ZFHX3: variants seen among roughly 807,000 people sequenced by gnomAD.
ZFHX3 encodes zinc finger homeobox protein 3.
A neutral mutation model predicts 279.1 loss-of-function variants in ZFHX3; 42 were observed. The observed-to-expected ratio is 0.15, with a 90% CI of 0.12 to 0.19. The LOEUF (loss-of-function observed/expected upper bound fraction) is 0.19, where lower values mean the gene tolerates loss of function less well. ZFHX3 is among the 10% of genes least tolerant of loss of function. The pLI is 1.00. For missense variants in ZFHX3, 4,981 were observed against 4,754.0 expected, an observed-to-expected ratio of 1.05 and a Z score of -1.40; for synonymous variants, 2,293 against 1,957.8, an observed-to-expected ratio of 1.17 and a Z score of -4.52.
At chr16:72,898,447 A>T (rs1018262341) in intron 3 of ZFHX3, among the ~76,000 whole-genome samples, 1 of 152,178 alleles carries the variant, frequency 6.6e-6, no homozygotes, top group Non-Finnish European at 1.5e-5. Context: ...TGCACGAATC[A>T]CATTTCCTGA....
chr16:73,378,500 C>T lies in ZFHX3; in HGVS notation c.-1290-60164G>A, dbSNP rs536404631. 1.4e-4 allele frequency among the ~76,000 whole-genome samples: 21 copies of T among 152,174 alleles called. No homozygotes were observed. The East Asian group carries it at 3.7e-3, about 27-fold the overall frequency. On this transcript the variant is annotated intron_variant, in intron 3 of 17. Transcript: ENST00000641206. ...TAAGTAACTCTTGTGTACCTGGTTT[C>T]GCTGTTCTAAGAAATTCTAAAGGTT...
intron 1 of ZFHX3, among the ~76,000 whole-genome samples, chr16:73,759,941 G>T (rs1182029307): frequency 6.8e-6 from 1 of 147,184 alleles, no homozygotes; most frequent in Non-Finnish European, 1.5e-5. Flanking sequence ...AAATAACCAA[G>T]ATCAGAGGGG....
At chr16:72,994,084 C>T (rs1242876541) in intron 1 of ZFHX3, among the ~76,000 whole-genome samples, 2 of 152,172 alleles carry the variant, frequency 1.3e-5, no homozygotes, top group Non-Finnish European at 2.9e-5. Context: ...TTCTTCTGTT[C>T]CCTATCACTT....
intron 2 of ZFHX3, among the ~76,000 whole-genome samples, chr16:73,667,275 C>A (rs1451661394): frequency 6.6e-6 from 1 of 152,186 alleles, no homozygotes; most frequent in Non-Finnish European, 1.5e-5. Context: ...CAGGCGTGAG[C>A]CACCACACCC....
At chr16:73,144,466 C>T (rs1451807626) in intron 5 of ZFHX3, 1 of 152,200 alleles carries the variant, frequency 6.6e-6, no homozygotes, top group African/African-American at 2.4e-5. Context: ...CCCCAGCTCC[C>T]GAAGGGTTAA....
At chr16:73,147,344 C>A in intron 5 of ZFHX3, among the ~76,000 whole-genome samples, 1 of 152,120 alleles carries the variant, frequency 6.6e-6, no homozygotes, top group East Asian at 1.9e-4. Flanking sequence ...AAACCACAGC[C>A]TGAAGCCCGA....
At chr16:73,137,104 T>C (rs962780003) in intron 6 of ZFHX3, among the ~76,000 whole-genome samples, 3 of 152,162 alleles carry the variant, frequency 2.0e-5, no homozygotes, top group African/African-American at 7.2e-5. Context: ...TCACTAGACT[T>C]TGATATTTCA....
chr16:73,184,586 G>C (rs58347765), intron 5 of ZFHX3, among the ~76,000 whole-genome samples: 5,776 of 152,182 alleles, frequency 0.038, 368 homozygotes, highest in African/African-American at 0.13. Context: ...TCAAAATCTC[G>C]ACTCTTCCTG....
intron 2 of ZFHX3, among the ~76,000 whole-genome samples, chr16:72,952,863 G>T (rs1163650886): frequency 6.6e-6 from 1 of 152,108 alleles, no homozygotes; most frequent in Non-Finnish European, 1.5e-5. Flanking sequence ...GCAGAAGGCT[G>T]GGCACTGGCG....
intron 1 of ZFHX3, among the ~76,000 whole-genome samples, chr16:73,719,578 T>C (rs1045482455): frequency 1.7e-4 from 26 of 152,218 alleles, no homozygotes; most frequent in Non-Finnish European, 3.7e-4. Flanking sequence ...CTCGCTGAAA[T>C]CTTGTATGAG....
intron 3 of ZFHX3, among the ~76,000 whole-genome samples, chr16:73,358,514 T>G (rs1003736419): frequency 1.4e-4 from 21 of 152,338 alleles, no homozygotes; most frequent in Non-Finnish European, 2.2e-4. Flanking sequence ...ATGGCGGCCC[T>G]GGCTGACACC....
intron 3 of ZFHX3, chr16:73,421,131 G>C (rs2017710244): frequency 2.0e-5 from 3 of 149,036 alleles, no homozygotes; most frequent in African/African-American, 2.5e-5. Context: ...TGTTTCAGAA[G>C]ATGATTGTTC....
chr16:73,761,964 A>T (rs2053872611), intron 1 of ZFHX3, among the ~76,000 whole-genome samples: 1 of 152,200 alleles, frequency 6.6e-6, no homozygotes, highest in Admixed American at 6.5e-5. Flanking sequence ...AATTGCAACA[A>T]AAACCAAACT....
chr16:72,906,119 C>T (rs878874098), intron 3 of ZFHX3, among the ~76,000 whole-genome samples: 2 of 152,072 alleles, frequency 1.3e-5, no homozygotes, highest in South Asian at 2.1e-4. Context: ...AGATCCCTCC[C>T]GGGACATCCA....
chr16:73,621,268 C>T (rs2052359184), intron 2 of ZFHX3, among the ~76,000 whole-genome samples: 1 of 152,122 alleles, frequency 6.6e-6, no homozygotes, highest in African/African-American at 2.4e-5. Flanking sequence ...TTAAAATTTG[C>T]CAAACTGCCA....
intron 3 of ZFHX3, among the ~76,000 whole-genome samples, chr16:72,931,134 T>C (rs1421053719): frequency 6.6e-6 from 1 of 152,182 alleles, no homozygotes; most frequent in Non-Finnish European, 1.5e-5. Flanking sequence ...TCAGTCCTCC[T>C]AGTACCCATT....
chr16:73,646,437 T>G (rs2052619047), intron 2 of ZFHX3, among the ~76,000 whole-genome samples: 1 of 151,800 alleles, frequency 6.6e-6, no homozygotes, highest in Non-Finnish European at 1.5e-5. Context: ...AACTGAACAT[T>G]CAATTTAAAA....
At chr16:72,842,172 C>T (rs986326795) in intron 4 of ZFHX3, among the ~76,000 whole-genome samples, 3 of 152,118 alleles carry the variant, frequency 2.0e-5, no homozygotes, top group Admixed American at 1.3e-4. Flanking sequence ...TTACTTCAGA[C>T]GTCCCCAAAC....
chr16:73,565,223 T>C (rs1427129982), intron 2 of ZFHX3, among the ~76,000 whole-genome samples: 2 of 151,418 alleles, frequency 1.3e-5, no homozygotes, highest in Non-Finnish European at 1.5e-5. Flanking sequence ...CATTTCACTC[T>C]GGCCTGAGCA....
Sources: gnomAD v4.1 joint callset for allele counts (sites outside exome capture counted in the v4.1 genomes callset) on GRCh38, gnomAD v4.1.1 for gene constraint, MANE v1.5 for transcripts, NCBI Gene and HGNC (gene_info 2026-07-23, HGNC 2026-07-21) for gene names.